EYA3: variants seen among roughly 807,000 people sequenced by gnomAD.
EYA3 encodes the protein protein phosphatase EYA3.
A neutral mutation model predicts 80.0 loss-of-function variants in EYA3; 39 were observed. The observed-to-expected ratio is 0.49, with a 90% CI of 0.38 to 0.64. The LOEUF (loss-of-function observed/expected upper bound fraction) is 0.64. Ranked by LOEUF, EYA3 falls within the 30% of genes least tolerant of loss-of-function variation. The pLI is 0.00. For missense variants in EYA3, 523 were observed against 676.1 expected, an observed-to-expected ratio of 0.77 and a Z score of 2.51; for synonymous variants, 206 against 232.8, an observed-to-expected ratio of 0.88 and a Z score of 1.05.
At chr1:28,079,194 G>A (rs1196722991) in intron 1 of EYA3, among the ~76,000 whole-genome samples, 5 of 152,226 alleles carry the variant, frequency 3.3e-5, no homozygotes, top group African/African-American at 1.2e-4. Context: ...TATAAAAATA[G>A]TAGAGTATGT....
chr1:27,984,501 G>T (rs531807100), intron 16 of EYA3, among the ~76,000 whole-genome samples: 1 of 151,580 alleles, frequency 6.6e-6, no homozygotes, highest in African/African-American at 2.4e-5. Flanking sequence ...TACCTTTTGC[G>T]GTAAGTTTTT....
At chr1:28,081,703 G>A (rs1474803494) in intron 1 of EYA3, among the ~76,000 whole-genome samples, 2 of 152,120 alleles carry the variant, frequency 1.3e-5, no homozygotes, top group African/African-American at 2.4e-5. Flanking sequence ...CACAACAGGT[G>A]AAGCTGACCT....
chr1:27,981,605 C>A (rs911554679), intron 16 of EYA3, among the ~76,000 whole-genome samples: 1 of 151,924 alleles, frequency 6.6e-6, no homozygotes, highest in Non-Finnish European at 1.5e-5. Flanking sequence ...CAAAGTGAGA[C>A]CCCATTTCTA....
chr1:27,997,429 T>A (rs1446468658), intron 12 of EYA3, 51 bp from the exon 13 acceptor site: 5 of 1,452,760 alleles, frequency 3.4e-6, no homozygotes, highest in Admixed American at 1.7e-5. Context: ...GAAGTGATAT[T>A]ACCATCATGA....
chr1:28,005,141 G>A (rs1641175393), intron 10 of EYA3, among the ~76,000 whole-genome samples: 2 of 152,072 alleles, frequency 1.3e-5, no homozygotes, highest in Admixed American at 1.3e-4. Flanking sequence ...GTCTCAAGAA[G>A]GAATACAAAA....
intron 10 of EYA3, among the ~76,000 whole-genome samples, chr1:28,006,593 C>A (rs956525373): frequency 6.6e-6 from 1 of 152,182 alleles, no homozygotes; most frequent in East Asian, 1.9e-4. Flanking sequence ...GTAATCCCAG[C>A]TACTCAGGAG....
chr1:27,996,303 A>G (rs185881329), intron 13 of EYA3, among the ~76,000 whole-genome samples: 4 of 152,246 alleles, frequency 2.6e-5, no homozygotes, highest in African/African-American at 9.6e-5. Flanking sequence ...ACTTGGTTCA[A>G]TCAAAAGTTA....
intron 16 of EYA3, among the ~76,000 whole-genome samples, chr1:27,984,670 C>T (rs1305319308): frequency 6.6e-6 from 1 of 152,140 alleles, no homozygotes; most frequent in Non-Finnish European, 1.5e-5. Context: ...AGTGCCTTGG[C>T]GTTGCCTAGC....
Position 28,023,681 on chromosome 1 carries a change from G to A in EYA3, c.499+4108C>T, listed in dbSNP as rs552221815. On this transcript the variant is annotated intron_variant, in intron 7 of 17. Transcript: ENST00000373871. ...CTGAGAAACTACAAAGTCTAGAAGA[G>A]CCTAAGGAGACATAACTAAATGTAA... is the stretch of plus-strand genomic sequence containing the variant. Among the ~76,000 whole-genome samples the A allele has an allele frequency of 7.9e-5, 12 of 152,286 alleles. No homozygotes were observed. In the South Asian group the frequency reaches 1.2e-3, roughly 16 times the overall value.
At chr1:28,002,224 T>C (rs2148761851) in intron 11 of EYA3, among the ~76,000 whole-genome samples, 1 of 152,020 alleles carries the variant, frequency 6.6e-6, no homozygotes, top group South Asian at 2.1e-4. Context: ...AATTTTTGTA[T>C]TTTTAGTAGA....
chr1:28,052,790 A>T lies in EYA3; in HGVS notation c.34-4364T>A, dbSNP rs1425094864. On this transcript the variant is annotated intron_variant, in intron 2 of 17. Coordinates refer to ENST00000373871, the MANE Select transcript of EYA3 (RefSeq NM_001990.4). ...AACCCCATCTCTACTAAAAATACAA[A>T]AATTAGCCAGGTGTGGTGGCAGGCG... 2.0e-5 allele frequency among the ~76,000 whole-genome samples: 3 copies of T among 151,930 alleles called. No homozygotes were observed. In the East Asian group the frequency reaches 5.8e-4, roughly 29 times the overall value.
At chr1:28,010,112 A>C (rs557692055) in intron 10 of EYA3, among the ~76,000 whole-genome samples, 6 of 152,362 alleles carry the variant, frequency 3.9e-5, no homozygotes, top group Admixed American at 3.9e-4. Context: ...AAGAGCACTT[A>C]TCAATGGATT....
At chr1:28,066,078 C>G (rs1269224587) in intron 1 of EYA3, among the ~76,000 whole-genome samples, 3 of 151,484 alleles carry the variant, frequency 2.0e-5, no homozygotes, top group Middle Eastern at 7.0e-3. Flanking sequence ...GATCTGATAA[C>G]CAAGACGGCT....
chr1:28,023,628 G>A (rs965876858), intron 7 of EYA3, among the ~76,000 whole-genome samples: 1 of 152,090 alleles, frequency 6.6e-6, no homozygotes, highest in African/African-American at 2.4e-5. Flanking sequence ...CCTCAAAACT[G>A]TCAAGGTCAT....
chr1:28,003,307 AACAAC>A (rs1362230188), intron 11 of EYA3, among the ~76,000 whole-genome samples: 22 of 151,844 alleles, frequency 1.4e-4, no homozygotes, highest in African/African-American at 5.1e-4. Flanking sequence ...CAACAACAAC[AACAAC>A]AACAAAATTA....
intron 11 of EYA3, among the ~76,000 whole-genome samples, chr1:28,003,978 TA>T (rs1212736410): frequency 1.3e-5 from 2 of 152,230 alleles, no homozygotes; most frequent in Non-Finnish European, 1.5e-5. Context: ...TTTGGGCTGT[TA>T]AAAGTGTGTT....
chr1:28,086,875 G>A (rs539158688), intron 1 of EYA3, among the ~76,000 whole-genome samples: 1 of 152,294 alleles, frequency 6.6e-6, no homozygotes, highest in East Asian at 1.9e-4. Flanking sequence ...GTCCTTCTCC[G>A]TGGCTTCTAG....
intron 13 of EYA3, among the ~76,000 whole-genome samples, chr1:27,995,700 T>C (rs973584980): frequency 9.3e-5 from 14 of 151,158 alleles, no homozygotes; most frequent in Non-Finnish European, 1.8e-4. Context: ...GATGGTGCCA[T>C]TGCACTCCAG....
chr1:27,999,829 C>T, intron 12 of EYA3, 131 bp downstream of exon 12: 1 of 584,404 alleles, frequency 1.7e-6, no homozygotes, highest in Non-Finnish European at 2.9e-6. Context: ...GTATGTATGC[C>T]TTAGTGGCCA....
Sources: gnomAD v4.1 joint callset for allele counts (sites outside exome capture counted in the v4.1 genomes callset) on GRCh38, gnomAD v4.1.1 for gene constraint, MANE v1.5 for transcripts, NCBI Gene and HGNC (gene_info 2026-07-23, HGNC 2026-07-21) for gene names.